ZMYM2: variants seen among roughly 807,000 people sequenced by gnomAD.
ZMYM2 encodes zinc finger MYM-type protein 2.
Under a neutral mutation model 162.8 loss-of-function variants are expected in ZMYM2, and 56 were observed. That is an observed-to-expected ratio of 0.34 (90% confidence interval 0.28 to 0.43). The LOEUF (loss-of-function observed/expected upper bound fraction) is 0.43, where lower values mean the gene tolerates loss of function less well. Among genes scored for constraint, ZMYM2 ranks in the 20% least tolerant of loss-of-function variants. The pLI is 1.00. For missense variants in ZMYM2, 1,275 were observed against 1,621.8 expected (o/e 0.79, Z 3.67); for synonymous variants, 510 against 541.6 (o/e 0.94, Z 0.81).
intron 24 of ZMYM2, among the ~76,000 whole-genome samples, chr13:20,085,458 A>C (rs557229090): frequency 6.6e-6 from 1 of 152,326 alleles, no homozygotes; most frequent in South Asian, 2.1e-4. Context: ...TACATATTTC[A>C]TCAATTCTAA....
chr13:20,001,829 C>A (rs1260643826), intron 3 of ZMYM2, among the ~76,000 whole-genome samples: 1 of 152,174 alleles, frequency 6.6e-6, no homozygotes, highest in Non-Finnish European at 1.5e-5. Context: ...TGAAAGCTCA[C>A]ATGATTAGTG....
intron 2 of ZMYM2, among the ~76,000 whole-genome samples, chr13:19,989,395 C>T (rs1036481949): frequency 1.3e-5 from 2 of 152,122 alleles, no homozygotes; most frequent in Non-Finnish European, 2.9e-5. Flanking sequence ...CCTCCATGTC[C>T]CAGGTTCAAG....
chr13:19,870,690 G>A, the ZMYM2 span, among the ~76,000 whole-genome samples: 10 of 151,420 alleles, frequency 6.6e-5, no homozygotes, highest in South Asian at 4.2e-4. Context: ...ACAGTAGTGC[G>A]ATCTCGGCTC....
chr13:19,938,224 T>C, the ZMYM2 span, among the ~76,000 whole-genome samples: 37 of 152,100 alleles, frequency 2.4e-4, 1 homozygote, highest in African/African-American at 2.4e-5. Context: ...GAAATAAAGA[T>C]GGCCAGGTGT....
intron 2 of ZMYM2, among the ~76,000 whole-genome samples, chr13:19,974,637 G>C (rs554401377): frequency 6.6e-6 from 1 of 151,776 alleles, no homozygotes; most frequent in Non-Finnish European, 1.5e-5. Flanking sequence ...ACACCCGGCT[G>C]ATTTTTGTAT....
chr13:20,074,543 CTT>C (rs113280014), intron 21 of ZMYM2, among the ~76,000 whole-genome samples: 5 of 142,950 alleles, frequency 3.5e-5, no homozygotes, highest in Middle Eastern at 3.4e-3. Context: ...GGCTTCCTTC[CTT>C]TTTTTTTTTT....
At chr13:19,897,782 A>G in the ZMYM2 span, among the ~76,000 whole-genome samples, 1 of 152,058 alleles carries the variant, frequency 6.6e-6, no homozygotes, top group Non-Finnish European at 1.5e-5. Flanking sequence ...ACCATATAAA[A>G]TCATCAACTT....
rs1280712719 is a variant in ZMYM2, at chr13:19,990,629, GC to G, written c.-10-2433del. Among the ~76,000 whole-genome samples the G allele has an allele frequency of 5.3e-4, 81 of 152,250 alleles. 2 individuals are homozygous for G. The highest frequency in any genetic ancestry group is 2.6e-4 in the Non-Finnish European group (18 of 68,002). Reference sequence around the variant, plus strand: ...TCACGTGGCCCAAAATTAAGAAAATGCTACAAGACGTACAGTGAAAAATGCC... The same window carrying G: ...TCACGTGGCCCAAAATTAAGAAAATGTACAAGACGTACAGTGAAAAATGCC... On this transcript the variant is annotated intron_variant, in intron 2 of 24. Transcript: ENST00000610343.
chr13:20,024,154 C>T (rs1462763190), intron 7 of ZMYM2, among the ~76,000 whole-genome samples: 1 of 151,998 alleles, frequency 6.6e-6, no homozygotes, highest in African/African-American at 2.4e-5. Flanking sequence ...AGGCTGGTCT[C>T]GAACTCCCAA....
At chr13:19,936,645 C>A in the ZMYM2 span, among the ~76,000 whole-genome samples, 3 of 152,014 alleles carry the variant, frequency 2.0e-5, no homozygotes, top group Admixed American at 2.0e-4. Context: ...TCACTTGAAC[C>A]CAGGAGGCGG....
chr13:19,986,331 A>G (rs748924218), intron 2 of ZMYM2, among the ~76,000 whole-genome samples: 2 of 152,162 alleles, frequency 1.3e-5, no homozygotes, highest in Non-Finnish European at 2.9e-5. Context: ...CAGCATGGGC[A>G]ACATAGAAAG....
chr13:19,900,887 T>A, the ZMYM2 span, among the ~76,000 whole-genome samples: 1 of 151,998 alleles, frequency 6.6e-6, no homozygotes, highest in Admixed American at 6.6e-5. Flanking sequence ...CAAAAAATTG[T>A]CAGGCGTGGT....
intron 8 of ZMYM2, 112 bp from the exon 9 acceptor site, chr13:20,027,091 A>G (rs1204412292): frequency 2.7e-6 from 2 of 748,410 alleles, no homozygotes; most frequent in Non-Finnish European, 4.1e-6. Flanking sequence ...TTGAAGGTGC[A>G]AATAATAATA....
chr13:19,967,293 G>T (rs1011406517), intron 2 of ZMYM2, among the ~76,000 whole-genome samples: 3 of 152,164 alleles, frequency 2.0e-5, no homozygotes, highest in Admixed American at 6.5e-5. Flanking sequence ...TGATATGTGA[G>T]TATGGTTCTA....
At position 19,971,244 on chromosome 13, in the gene ZMYM2, GTATATA is replaced by G. The variant is rs1555278426; in HGVS notation, c.-11+11232_-11+11237del. On this transcript the variant is annotated intron_variant, in intron 2 of 24. Transcript: ENST00000610343. ...TTTATATATATGTGTGTGTGTGTGTGTATATATATATATATATATTTTTTTTTTTTT... is the reference window on the plus strand; with the variant it reads ...TTTATATATATGTGTGTGTGTGTGTGTATATATATATATTTTTTTTTTTTT... Among the ~76,000 whole-genome samples the G allele has an allele frequency of 2.4e-3, 122 of 50,134 alleles. 8 individuals carry two copies. The highest frequency in any genetic ancestry group is 5.6e-3 in the East Asian group (2 of 354). The allele number at this position is 50,134 out of a possible 152,430, so 32.9% of individuals were successfully genotyped here.
chr13:19,962,858 G>C (rs1289179801), intron 2 of ZMYM2, among the ~76,000 whole-genome samples: 1 of 124,518 alleles, frequency 8.0e-6, no homozygotes, highest in East Asian at 2.3e-4. Flanking sequence ...CAGAGTCTCT[G>C]TCATCCAGGC....
chr13:19,886,706 C>G, the ZMYM2 span, among the ~76,000 whole-genome samples: 6 of 151,674 alleles, frequency 4.0e-5, no homozygotes, highest in Admixed American at 3.3e-4. Context: ...TGGAGTTGCC[C>G]AGGTGAGATC....
chr13:20,049,973 T>A (rs750624169), intron 12 of ZMYM2, among the ~76,000 whole-genome samples: 5 of 152,002 alleles, frequency 3.3e-5, no homozygotes, highest in Non-Finnish European at 7.4e-5. Context: ...GGAACAATTC[T>A]ATGGTTATTT....
chr13:19,905,587 G>A, the ZMYM2 span, among the ~76,000 whole-genome samples: 1 of 152,136 alleles, frequency 6.6e-6, no homozygotes, highest in Non-Finnish European at 1.5e-5. Flanking sequence ...GCCCCAGAGA[G>A]CCTGCTGAAA....
Sources: allele counts gnomAD v4.1 joint callset (sites outside exome capture counted in the v4.1 genomes callset), GRCh38; gene constraint gnomAD v4.1.1; transcripts MANE v1.5; gene names NCBI Gene and HGNC (gene_info 2026-07-23, HGNC 2026-07-21).